KHDRBS3: variants seen among roughly 807,000 people sequenced by gnomAD.
KHDRBS3 encodes KH domain-containing, RNA-binding, signal transduction-associated protein 3.
A neutral mutation model predicts 45.6 loss-of-function variants in KHDRBS3; 23 were observed. That is an observed-to-expected ratio of 0.50 (90% confidence interval 0.36 to 0.72). The LOEUF (loss-of-function observed/expected upper bound fraction) is 0.72. KHDRBS3 is among the 30% of genes least tolerant of loss of function. KHDRBS3 has a pLI of 0.00. For synonymous variants in KHDRBS3, 162 were observed against 156.5 expected (o/e 1.04, Z -0.26); for missense variants, 352 against 424.8 (o/e 0.83, Z 1.51).
chr8:135,646,874 G>C, intron 8 of KHDRBS3, 119 bp from the exon 9 acceptor site: 1 of 599,294 alleles, frequency 1.7e-6, no homozygotes, highest in South Asian at 2.2e-5. Context: ...CAGTACACCA[G>C]GGGTATATAT....
chr8:135,640,050 A>T (rs1249540926), intron 7 of KHDRBS3, among the ~76,000 whole-genome samples: 1 of 152,194 alleles, frequency 6.6e-6, no homozygotes, highest in African/African-American at 2.4e-5. Flanking sequence ...ATTGAGCAAG[A>T]AACTTTCAAA....
At chr8:135,655,842 A>AAT (rs781327448) in intron 4 of KHDRBS3, among the ~76,000 whole-genome samples, 8 of 152,188 alleles carry the variant, frequency 5.3e-5, no homozygotes, top group Non-Finnish European at 8.8e-5. Context: ...TACAATTTAA[A>AAT]ATATATCTGA....
At chr8:135,622,453 A>T (rs1830185797) in intron 7 of KHDRBS3, among the ~76,000 whole-genome samples, 1 of 152,240 alleles carries the variant, frequency 6.6e-6, no homozygotes, top group Non-Finnish European at 1.5e-5. Context: ...CAGAAACACT[A>T]AAAACCATTT....
intron 6 of KHDRBS3, among the ~76,000 whole-genome samples, chr8:135,589,919 A>G (rs1828669442): frequency 6.6e-6 from 1 of 152,252 alleles, no homozygotes; most frequent in Non-Finnish European, 1.5e-5. Flanking sequence ...GTTTTAGCAA[A>G]CATAACATGG....
At chr8:135,597,302 T>G (rs1328531854) in intron 6 of KHDRBS3, among the ~76,000 whole-genome samples, 1 of 152,150 alleles carries the variant, frequency 6.6e-6, no homozygotes, top group Non-Finnish European at 1.5e-5. Context: ...CTTAAGCACT[T>G]CGCAAGAGGC....
At chr8:135,523,751 T>A (rs1414706367) in intron 2 of KHDRBS3, among the ~76,000 whole-genome samples, 1 of 152,176 alleles carries the variant, frequency 6.6e-6, no homozygotes, top group Non-Finnish European at 1.5e-5. Context: ...TAGATTTCAT[T>A]TGCTAGGTAG....
At chr8:135,475,247 A>C (rs549190692) in intron 1 of KHDRBS3, among the ~76,000 whole-genome samples, 10 of 152,170 alleles carry the variant, frequency 6.6e-5, no homozygotes, top group Non-Finnish European at 1.3e-4. Flanking sequence ...TATTCTGCCT[A>C]CCACAGAGGT....
chr8:135,656,495 T>C (rs1831534155), exon 5 of KHDRBS3: 1 of 152,218 alleles, frequency 6.6e-6, no homozygotes, highest in Non-Finnish European at 1.5e-5. Context: ...AGGCTGCCTA[T>C]TGAAATCTCT....
downstream of KHDRBS3, among the ~76,000 whole-genome samples, chr8:135,650,466 C>T (rs1451140460): frequency 2.6e-5 from 4 of 152,188 alleles, no homozygotes. Flanking sequence ...GTGCTTATCA[C>T]TTTCTGTAGA....
chr8:135,519,403 C>G (rs1304983498), intron 1 of KHDRBS3, among the ~76,000 whole-genome samples: 1 of 152,176 alleles, frequency 6.6e-6, no homozygotes, highest in African/African-American at 2.4e-5. Context: ...CAATGTAATG[C>G]TCCGGCTACC....
chr8:135,482,641 G>A (rs549428515), intron 1 of KHDRBS3, among the ~76,000 whole-genome samples: 6 of 152,098 alleles, frequency 3.9e-5, no homozygotes, highest in Admixed American at 3.9e-4. Flanking sequence ...GTGAGAGGTG[G>A]CATTAGAGAC....
intron 1 of KHDRBS3, among the ~76,000 whole-genome samples, chr8:135,484,525 T>C (rs1822746526): frequency 6.6e-6 from 1 of 152,246 alleles, no homozygotes; most frequent in Admixed American, 6.5e-5. Flanking sequence ...CAGCGGTTGC[T>C]CACAACCCGC....
In KHDRBS3 at chr8:135,488,572, C is replaced by T. The variant is rs1427998297; in HGVS notation, c.88+30618C>T. Among the ~76,000 whole-genome samples, 10 of 152,312 alleles carry T rather than the reference C, an allele frequency of 6.6e-5. No individual in the cohort carries two copies. In the East Asian group the frequency reaches 1.7e-3, roughly 26 times the overall value. On this transcript the variant is annotated intron_variant, in intron 1 of 8. Coordinates refer to ENST00000355849, the MANE Select transcript of KHDRBS3 (RefSeq NM_006558.3). ...AGAGAAAGTTAAGGATAACAATTCT[C>T]AGTGGAGTTCCAGGCATCCTTTTGA...
intron 1 of KHDRBS3, among the ~76,000 whole-genome samples, chr8:135,467,840 A>G (rs556477497): frequency 1.3e-5 from 2 of 152,352 alleles, no homozygotes; most frequent in African/African-American, 4.8e-5. Flanking sequence ...CTTTAAGACT[A>G]TGTAAATAAA....
intron 1 of KHDRBS3, among the ~76,000 whole-genome samples, chr8:135,489,183 A>G (rs1436712531): frequency 2.0e-5 from 3 of 151,754 alleles, no homozygotes; most frequent in Non-Finnish European, 4.4e-5. Context: ...GCCTTCCCCA[A>G]CTCCTTTCAA....
intron 1 of KHDRBS3, among the ~76,000 whole-genome samples, chr8:135,493,811 C>G (rs1195182260): frequency 2.0e-5 from 3 of 152,070 alleles, no homozygotes; most frequent in Admixed American, 2.0e-4. Flanking sequence ...GAAGTATTCA[C>G]TCTTTATTCT....
intron 5 of KHDRBS3, among the ~76,000 whole-genome samples, chr8:135,560,748 G>A (rs1343973975): frequency 1.3e-5 from 2 of 152,124 alleles, no homozygotes; most frequent in Non-Finnish European, 2.9e-5. Context: ...TGTCTTGATG[G>A]TTAATATTCT....
At chr8:135,616,114 T>C (rs371516051) in intron 7 of KHDRBS3, among the ~76,000 whole-genome samples, 1 of 152,270 alleles carries the variant, frequency 6.6e-6, no homozygotes, top group African/African-American at 2.4e-5. Flanking sequence ...TGTGAGTTAC[T>C]ATGTATCTAG....
chr8:135,512,954 T>C (rs1265496268), intron 1 of KHDRBS3, among the ~76,000 whole-genome samples: 4 of 152,170 alleles, frequency 2.6e-5, no homozygotes, highest in East Asian at 3.9e-4. Context: ...GGCTCACACC[T>C]GTAATCCCAG....
Sources: gnomAD v4.1 joint callset for allele counts (sites outside exome capture counted in the v4.1 genomes callset) on GRCh38, gnomAD v4.1.1 for gene constraint, MANE v1.5 for transcripts, NCBI Gene and HGNC (gene_info 2026-07-23, HGNC 2026-07-21) for gene names.